PLPP1: variants seen among roughly 807,000 people sequenced by gnomAD.
PLPP1 encodes the protein lipid phosphate phosphohydrolase 1a.
PLPP1 carries 24 observed loss-of-function variants against 31.2 expected under a neutral mutation model. The ratio of observed to expected loss-of-function variants is 0.77; its 90% CI spans 0.56 to 1.08. The LOEUF (loss-of-function observed/expected upper bound fraction) is 1.08, where lower values mean the gene tolerates loss of function less well. PLPP1 is among the 50% of genes least tolerant of loss of function. The probability of loss-of-function intolerance (pLI) is 0.00; values close to 1 mark genes in which losing one functional copy is unlikely to be tolerated. For synonymous variants in PLPP1, 146 were observed against 126.3 expected, an observed-to-expected ratio of 1.16 and a Z score of -1.05; for missense variants, 319 against 342.7, an observed-to-expected ratio of 0.93 and a Z score of 0.55.
chr5:55,448,269 G>A (rs1389023422), intron 3 of PLPP1, among the ~76,000 whole-genome samples: 7 of 152,126 alleles, frequency 4.6e-5, no homozygotes, highest in African/African-American at 1.7e-4. Context: ...GGTGATGAAT[G>A]AGAAAATGAG....
rs34267008 is a variant in PLPP1, at chr5:55,526,931, C to CAAAA, written c.58+7637_58+7640dup. 1.8e-3 allele frequency among the ~76,000 whole-genome samples: 139 copies of CAAAA among 75,446 alleles called. 3 individuals carry two copies. Among genetic ancestry groups the CAAAA allele is most frequent in the Non-Finnish European group, 2.7e-3 (116 of 43,638 alleles). The allele number at this position is 75,446 out of a possible 152,430, so 49.5% of individuals were successfully genotyped here. A position where few individuals can be genotyped will look rare whatever the true frequency, so the allele number is the denominator to read the frequency against. ...TGGGCGACAGAGCGAGATTCCATCT[C>CAAAA]AAAAAAAAAAAAAAAAAAAAAAAGT... On this transcript the variant is annotated intron_variant, in intron 1 of 5. Coordinates refer to ENST00000307259, the MANE Select transcript of PLPP1 (RefSeq NM_003711.4).
chr5:55,527,230 A>C (rs770214524), intron 1 of PLPP1, among the ~76,000 whole-genome samples: 44 of 152,202 alleles, frequency 2.9e-4, no homozygotes, highest in Non-Finnish European at 5.0e-4. Context: ...ACCGCTCCTT[A>C]GGAGTATCCT....
rs386403823 is a variant in PLPP1 at position 55,487,439 on chromosome 5, A to AAC, written c.59-11990_59-11989insGT. On this transcript the variant is annotated intron_variant, in intron 1 of 5. Transcript: ENST00000307259. ...ATATGGATCATTAAAACCCAAAAAC[A>AAC]AAAAAAAAATGTAAAAGCCAAATAA... is the stretch of plus-strand genomic sequence containing the variant. Among the ~76,000 whole-genome samples the AAC allele has an allele frequency of 7.2e-4, 3 of 4,190 alleles. No individual in the cohort carries two copies. In the Admixed American group the frequency reaches 0.016, roughly 23 times the overall value. 2.7% of individuals were successfully genotyped at this position (4,190 alleles called of 152,430 possible).
At chr5:55,462,913 C>T (rs2111773070) in intron 3 of PLPP1, among the ~76,000 whole-genome samples, 1 of 151,704 alleles carries the variant, frequency 6.6e-6, no homozygotes, top group South Asian at 2.1e-4. Flanking sequence ...GCGAAGCTTG[C>T]AGAGAGCCAA....
intron 1 of PLPP1, chr5:55,530,730 A>G: frequency 6.4e-7 from 1 of 1,573,916 alleles, no homozygotes; most frequent in East Asian, 2.2e-5. Flanking sequence ...GACACAGGGG[A>G]CAATGTGCTC....
chr5:55,465,147 G>A (rs1054544392), intron 3 of PLPP1, among the ~76,000 whole-genome samples: 71 of 151,498 alleles, frequency 4.7e-4, no homozygotes, highest in African/African-American at 1.5e-3. Context: ...GGGTTCAAGC[G>A]ATTCTCCTGC....
Position 55,427,101 on chromosome 5 carries a change from A to G in PLPP1, c.550-1062T>C, listed in dbSNP as rs966049646. Among the ~76,000 whole-genome samples, 19 of 150,880 alleles carry G rather than the reference A, an allele frequency of 1.3e-4. 1 individual carries two copies. The highest frequency in any genetic ancestry group is 6.8e-3 in the Middle Eastern group (2 of 292). On this transcript the variant is annotated intron_variant, in intron 4 of 5. Coordinates refer to ENST00000307259, the MANE Select transcript of PLPP1 (RefSeq NM_003711.4). ...TCTGCTCTCATTAAAAAAAAAAAAAAAAAGAAAACTACCTAATTTCTATCC... is the reference window on the plus strand; with the variant it reads ...TCTGCTCTCATTAAAAAAAAAAAAAGAAAGAAAACTACCTAATTTCTATCC...
At chr5:55,534,123 T>C (rs1008994531) in intron 1 of PLPP1, among the ~76,000 whole-genome samples, 7 of 152,292 alleles carry the variant, frequency 4.6e-5, no homozygotes, top group Non-Finnish European at 1.0e-4. Context: ...TCTAGCCTTT[T>C]ATAGCCGAAA....
intron 1 of PLPP1, among the ~76,000 whole-genome samples, chr5:55,482,297 G>A (rs1161428937): frequency 1.3e-5 from 2 of 151,112 alleles, no homozygotes; most frequent in Non-Finnish European, 2.9e-5. Context: ...CTGTTTTAAT[G>A]AGGTATCTGA....
chr5:55,521,516 C>CA (rs1203949104), intron 1 of PLPP1, among the ~76,000 whole-genome samples: 42 of 147,998 alleles, frequency 2.8e-4, no homozygotes, highest in African/African-American at 5.7e-4. Context: ...GACTCTGTCT[C>CA]AAAAAAAAAC....
rs976032916 is a variant in PLPP1, at chr5:55,534,688, G to A, written c.-59C>T. 1.5e-5 allele frequency: 22 copies of A among 1,491,432 alleles called. No homozygotes were observed. In the East Asian group the frequency reaches 2.0e-4, roughly 13 times the overall value. 92.4% of individuals were successfully genotyped at this position (1,491,432 alleles called of 1,614,324 possible). A position where few individuals can be genotyped will look rare whatever the true frequency, so the allele number is the denominator to read the frequency against. ...GACTGAGCTGCGGGACGGCGGCCGA[G>A]GCCCTTGATTCTCGAGCCCGGGCCG... On this transcript the variant is annotated 5_prime_UTR_variant, in exon 1 of 6. Transcript: ENST00000307259.
At position 55,475,334 on chromosome 5, in the gene PLPP1, A is replaced by G. The variant is rs1752512498; in HGVS notation, c.175T>C (p.Leu59=). The G allele has an allele frequency of 6.2e-7, 1 of 1,612,654 alleles. No homozygotes were observed. The highest frequency in any genetic ancestry group is 8.5e-7 in the Non-Finnish European group (1 of 1,179,182). ...CTGAATGGAATGATTATTCCACCTA[A>G]TAACGCATAAGGTATGGTGTCTTCT... The part of the protein sequence containing the change: ...YKEDTIPYAL[L]GGIIIPFSII... The change falls in exon 2 of 6, where the codon TTA becomes CTA. Residue 59 remains leucine (L), a synonymous_variant. Transcript: ENST00000307259.
intron 3 of PLPP1, 143 bp downstream of exon 3, chr5:55,467,726 A>G: frequency 1.1e-6 from 1 of 893,434 alleles, no homozygotes; most frequent in South Asian, 2.0e-5. Context: ...GATGAGAGAG[A>G]ACAATTCATA....
chr5:55,516,336 C>T (rs963497017), intron 1 of PLPP1, among the ~76,000 whole-genome samples: 6 of 152,180 alleles, frequency 3.9e-5, no homozygotes, highest in Non-Finnish European at 8.8e-5. Context: ...TTCTACCCTG[C>T]AGCCAAAGTA....
chr5:55,519,567 G>A (rs1561255696), intron 1 of PLPP1, among the ~76,000 whole-genome samples: 2 of 151,996 alleles, frequency 1.3e-5, no homozygotes, highest in Non-Finnish European at 2.9e-5. Flanking sequence ...TGGCCCACAT[G>A]GTGAAACCCC....
chr5:55,527,816 G>C (rs1740520519), intron 1 of PLPP1, among the ~76,000 whole-genome samples: 1 of 148,714 alleles, frequency 6.7e-6, no homozygotes, highest in African/African-American at 2.5e-5. Context: ...GGCAGAGAGG[G>C]CCATTATTGA....
At chr5:55,440,312 G>C (rs570472429) in intron 4 of PLPP1, among the ~76,000 whole-genome samples, 47 of 152,302 alleles carry the variant, frequency 3.1e-4, no homozygotes, top group South Asian at 1.0e-3. Flanking sequence ...CCAGTCACAG[G>C]CCCATGCTCT....
intron 3 of PLPP1, among the ~76,000 whole-genome samples, chr5:55,447,330 A>G (rs1751788195): frequency 1.3e-5 from 2 of 152,354 alleles, no homozygotes; most frequent in East Asian, 1.9e-4. Context: ...AATTATTACT[A>G]TACCACCATT....
intron 4 of PLPP1, among the ~76,000 whole-genome samples, chr5:55,439,340 C>T (rs772003429): frequency 3.3e-5 from 5 of 152,276 alleles, no homozygotes; most frequent in Admixed American, 6.5e-5. Context: ...GCTCCAAGGC[C>T]GAGCTGTAAC....
Sources: gnomAD v4.1 joint callset for allele counts (sites outside exome capture counted in the v4.1 genomes callset) on GRCh38, gnomAD v4.1.1 for gene constraint, MANE v1.5 for transcripts, NCBI Gene and HGNC (gene_info 2026-07-23, HGNC 2026-07-21) for gene names.